The following SPAG16 variants were observed in gnomAD, a reference collection of about 807,000 sequenced individuals.
SPAG16 encodes the protein sperm-associated antigen 16 protein.
A neutral mutation model predicts 80.4 loss-of-function variants in SPAG16; 86 were observed. The observed-to-expected ratio is 1.07, with a 90% CI of 0.90 to 1.28. The LOEUF (loss-of-function observed/expected upper bound fraction) is 1.28. Among genes scored for constraint, SPAG16 ranks in the 50% most tolerant of loss-of-function variants. SPAG16 has a pLI of 0.00. For missense variants in SPAG16, 870 were observed against 765.3 expected, an observed-to-expected ratio of 1.14 and a Z score of -1.61; for synonymous variants, 294 against 265.9, an observed-to-expected ratio of 1.11 and a Z score of -1.03.
intron 10 of SPAG16, among the ~76,000 whole-genome samples, chr2:213,575,603 A>G (rs982909542): frequency 2.6e-5 from 4 of 152,142 alleles, no homozygotes; most frequent in Non-Finnish European, 4.4e-5. Context: ...TTTAATAAAG[A>G]CATTGAATAT....
chr2:213,539,155 A>G (rs1378514931), intron 10 of SPAG16, among the ~76,000 whole-genome samples: 2 of 152,276 alleles, frequency 1.3e-5, no homozygotes, highest in African/African-American at 4.8e-5. Flanking sequence ...AAGAGGCAGA[A>G]ATGCTCTTAA....
chr2:214,056,528 T>TAA (rs34787452), intron 13 of SPAG16, among the ~76,000 whole-genome samples: 1,931 of 149,294 alleles, frequency 0.013, 15 homozygotes, highest in Middle Eastern at 0.034. Flanking sequence ...TACTTATTGG[T>TAA]AAAAAAAAAA....
intron 9 of SPAG16, among the ~76,000 whole-genome samples, chr2:213,429,044 A>T (rs1219944474): frequency 6.6e-6 from 1 of 151,708 alleles, no homozygotes; most frequent in Non-Finnish European, 1.5e-5. Context: ...GTGAGCCAAG[A>T]TCACAACACT....
At chr2:213,881,055 TG>T (rs1268330102) in intron 11 of SPAG16, among the ~76,000 whole-genome samples, 1 of 152,216 alleles carries the variant, frequency 6.6e-6, no homozygotes, top group East Asian at 1.9e-4. Context: ...TAAATTGCTT[TG>T]GGCAGTATGG....
At chr2:213,940,144 T>C (rs141069671) in intron 12 of SPAG16, among the ~76,000 whole-genome samples, 7 of 152,302 alleles carry the variant, frequency 4.6e-5, no homozygotes, top group South Asian at 2.1e-4. Flanking sequence ...ATAACAGCCA[T>C]AACTACCATT....
intron 10 of SPAG16, among the ~76,000 whole-genome samples, chr2:213,829,003 C>G (rs748075155): frequency 6.6e-6 from 1 of 152,156 alleles, no homozygotes; most frequent in Non-Finnish European, 1.5e-5. Flanking sequence ...AGTACTGGTT[C>G]TCACCCAAGG....
At chr2:213,953,537 T>G (rs1187863438) in intron 12 of SPAG16, among the ~76,000 whole-genome samples, 2 of 151,528 alleles carry the variant, frequency 1.3e-5, no homozygotes, top group Non-Finnish European at 3.0e-5. Context: ...CAGAGACACA[T>G]ACACGTGACA....
At chr2:213,396,662 G>T (rs757941839) in intron 9 of SPAG16, 6 of 456,366 alleles carry the variant, frequency 1.3e-5, no homozygotes, top group Admixed American at 2.4e-5. Flanking sequence ...GGAGACAAGA[G>T]AACAACAGTG....
At chr2:213,465,332 C>A (rs976812582) in intron 9 of SPAG16, among the ~76,000 whole-genome samples, 1 of 152,224 alleles carries the variant, frequency 6.6e-6, no homozygotes. Context: ...AAAACAGGTG[C>A]ACTCACAATA....
At chr2:214,188,189 G>A (rs2057541444) in intron 15 of SPAG16, among the ~76,000 whole-genome samples, 1 of 152,124 alleles carries the variant, frequency 6.6e-6, no homozygotes, top group Non-Finnish European at 1.5e-5. Flanking sequence ...AGGCTAGAAT[G>A]AAAGTCTACA....
intron 10 of SPAG16, among the ~76,000 whole-genome samples, chr2:213,727,181 G>T (rs1574955436): frequency 6.6e-6 from 1 of 152,186 alleles, no homozygotes; most frequent in Admixed American, 6.5e-5. Flanking sequence ...CAGGAATATT[G>T]GTTTTCTAGA....
chr2:214,316,891 C>T (rs997111382), intron 15 of SPAG16, among the ~76,000 whole-genome samples: 1 of 152,156 alleles, frequency 6.6e-6, no homozygotes, highest in Admixed American at 6.5e-5. Flanking sequence ...CAGCTCTCCA[C>T]TAAATCATCA....
chr2:214,134,953 C>T (rs2054967912), intron 14 of SPAG16, among the ~76,000 whole-genome samples: 1 of 152,232 alleles, frequency 6.6e-6, no homozygotes, highest in Admixed American at 6.5e-5. Context: ...GTGCCGTTTT[C>T]GATAAAAATG....
chr2:213,682,895 C>T (rs1303311269), intron 10 of SPAG16, among the ~76,000 whole-genome samples: 1 of 152,118 alleles, frequency 6.6e-6, no homozygotes, highest in Non-Finnish European at 1.5e-5. Flanking sequence ...GATGATCCTG[C>T]TCTGTCAATT....
At chr2:213,465,453 C>T (rs1201907387) in intron 9 of SPAG16, among the ~76,000 whole-genome samples, 1 of 152,070 alleles carries the variant, frequency 6.6e-6, no homozygotes, top group Admixed American at 6.5e-5. Flanking sequence ...TTTTTGAGGT[C>T]CTCTCTGGCT....
intron 12 of SPAG16, among the ~76,000 whole-genome samples, chr2:213,962,726 A>G (rs531078420): frequency 2.6e-5 from 4 of 152,334 alleles, no homozygotes; most frequent in African/African-American, 7.2e-5. Flanking sequence ...AACTAATTCA[A>G]TCGCTTTACT....
At chr2:213,864,769 G>A (rs1559533676) in intron 11 of SPAG16, among the ~76,000 whole-genome samples, 1 of 151,922 alleles carries the variant, frequency 6.6e-6, no homozygotes, top group Admixed American at 6.6e-5. Flanking sequence ...ATTTTGTTTG[G>A]GGGTCAATTA....
intron 10 of SPAG16, among the ~76,000 whole-genome samples, chr2:213,697,310 T>C (rs189494966): frequency 5.5e-4 from 84 of 152,262 alleles, no homozygotes; most frequent in Non-Finnish European, 6.9e-4. Flanking sequence ...TGCAGTGCAG[T>C]GGAGTTGCAG....
At chr2:214,137,347 T>C (rs909284624) in intron 14 of SPAG16, among the ~76,000 whole-genome samples, 5 of 152,182 alleles carry the variant, frequency 3.3e-5, no homozygotes, top group African/African-American at 1.2e-4. Flanking sequence ...TATTTATATA[T>C]GTTATCTAAT....
Sources: allele counts gnomAD v4.1 joint callset (sites outside exome capture counted in the v4.1 genomes callset), GRCh38; gene constraint gnomAD v4.1.1; transcripts MANE v1.5; gene names NCBI Gene and HGNC (gene_info 2026-07-23, HGNC 2026-07-21).